The following GNB4 variants were observed in gnomAD, a reference collection of about 807,000 sequenced individuals.
The protein encoded by GNB4 is guanine nucleotide-binding protein subunit beta-4.
Under a neutral mutation model 45.2 loss-of-function variants are expected in GNB4, and 28 were observed. The observed-to-expected ratio is 0.62, with a 90% confidence interval of 0.46 to 0.85. GNB4 has a LOEUF of 0.85. GNB4 is among the 40% of genes least tolerant of loss of function. The pLI is 0.00. For synonymous variants in GNB4, 132 were observed against 143.7 expected, an observed-to-expected ratio of 0.92 and a Z score of 0.58; for missense variants, 321 against 425.4, an observed-to-expected ratio of 0.75 and a Z score of 2.16.
At chr3:179,423,741 A>G (rs749317960) in intron 2 of GNB4, among the ~76,000 whole-genome samples, 6 of 151,682 alleles carry the variant, frequency 4.0e-5, no homozygotes, top group Non-Finnish European at 8.8e-5. Flanking sequence ...AGATCGCACC[A>G]CTGCACTCCA....
the GNB4 span, among the ~76,000 whole-genome samples, chr3:179,503,065 C>T: frequency 6.6e-6 from 1 of 152,224 alleles, no homozygotes; most frequent in Non-Finnish European, 1.5e-5. Context: ...AACGCCTGTC[C>T]TCAAGTGATC....
chr3:179,493,501 A>G, the GNB4 span, among the ~76,000 whole-genome samples: 5 of 151,158 alleles, frequency 3.3e-5, no homozygotes, highest in Non-Finnish European at 5.9e-5. Context: ...ACTCAAGCAC[A>G]AGTCTTTTGA....
Position 179,401,252 on chromosome 3 carries a change from T to C in GNB4, c.984A>G (p.Ala328=), listed in dbSNP as rs1714290145. Residue 328 remains alanine (A), a synonymous_variant, in exon 10 of 10, where the codon GCA becomes GCG. Transcript: ENST00000232564. ...TAAGAAAACTGTCCCAAGAGCCTGTTGCCACAGCCATGCCATCATCAGTTA... is the reference window on the plus strand; with the variant it reads ...TAAGAAAACTGTCCCAAGAGCCTGTCGCCACAGCCATGCCATCATCAGTTA... ...LGVTDDGMAV[A]TGSWDSFLRI... 1 of 1,613,982 alleles carries C rather than the reference T, an allele frequency of 6.2e-7. No homozygotes were observed. Among genetic ancestry groups the C allele is most frequent in the Non-Finnish European group, 8.5e-7 (1 of 1,179,910 alleles).
At chr3:179,425,723 A>G (rs1429886920) in intron 2 of GNB4, among the ~76,000 whole-genome samples, 2 of 152,156 alleles carry the variant, frequency 1.3e-5, no homozygotes, top group African/African-American at 4.8e-5. Context: ...CACCTGCCTC[A>G]GCCTCCCAAA....
At chr3:179,463,246 C>T in the GNB4 span, among the ~76,000 whole-genome samples, 6 of 152,144 alleles carry the variant, frequency 3.9e-5, no homozygotes, top group South Asian at 2.1e-4. Flanking sequence ...TCCCCTACTA[C>T]GTCTTTTAGA....
At chr3:179,491,872 A>G in the GNB4 span, among the ~76,000 whole-genome samples, 2 of 152,242 alleles carry the variant, frequency 1.3e-5, no homozygotes, top group Admixed American at 6.5e-5. Context: ...CTAGGTATCA[A>G]TGTAATATCT....
At chr3:179,506,064 C>T in the GNB4 span, among the ~76,000 whole-genome samples, 236 of 152,306 alleles carry the variant, frequency 1.5e-3, no homozygotes, top group African/African-American at 5.1e-3. Flanking sequence ...CACAAGCTGC[C>T]GGGCGCGGTG....
chr3:179,506,108 C>G, the GNB4 span, among the ~76,000 whole-genome samples: 3 of 152,072 alleles, frequency 2.0e-5, no homozygotes, highest in Non-Finnish European at 4.4e-5. Context: ...TTTGGGAGGC[C>G]GAGGCAGGAG....
the GNB4 span, among the ~76,000 whole-genome samples, chr3:179,471,700 AT>A: frequency 6.6e-6 from 1 of 152,158 alleles, no homozygotes; most frequent in Non-Finnish European, 1.5e-5. Context: ...ATTAGAAGTT[AT>A]TTTCTAGTCA....
chr3:179,491,159 A>T, the GNB4 span, among the ~76,000 whole-genome samples: 1 of 152,260 alleles, frequency 6.6e-6, no homozygotes, highest in Non-Finnish European at 1.5e-5. Context: ...AATATAAGGA[A>T]GAACGAAAGG....
chr3:179,511,824 T>C, the GNB4 span, among the ~76,000 whole-genome samples: 1 of 152,284 alleles, frequency 6.6e-6, no homozygotes, highest in African/African-American at 2.4e-5. Flanking sequence ...CTGCCTAATG[T>C]TATTTTGGCA....
the GNB4 span, among the ~76,000 whole-genome samples, chr3:179,506,629 C>T: frequency 6.6e-6 from 1 of 152,114 alleles, no homozygotes; most frequent in Admixed American, 6.5e-5. Context: ...TTCACTAGCC[C>T]CTGAAACTCT....
chr3:179,458,711 T>C, the GNB4 span, among the ~76,000 whole-genome samples: 2 of 152,234 alleles, frequency 1.3e-5, no homozygotes, highest in Non-Finnish European at 2.9e-5. Context: ...GCTGTGTAAA[T>C]AGTTGCTAGG....
intron 1 of GNB4, among the ~76,000 whole-genome samples, chr3:179,427,867 TTTCTC>T (rs968160620): frequency 6.6e-6 from 1 of 152,136 alleles, no homozygotes; most frequent in African/African-American, 2.4e-5. Flanking sequence ...CCTGGTCTCT[TTTCTC>T]TTCTTATCTT....
chr3:179,448,601 C>T (rs1268990137), intron 1 of GNB4, among the ~76,000 whole-genome samples: 1 of 151,990 alleles, frequency 6.6e-6, no homozygotes, highest in Non-Finnish European at 1.5e-5. Flanking sequence ...ATAAAAAAGA[C>T]TAACAGTTTC....
chr3:179,503,799 A>C, the GNB4 span, among the ~76,000 whole-genome samples: 2 of 152,222 alleles, frequency 1.3e-5, no homozygotes, highest in African/African-American at 4.8e-5. Context: ...CATTCAAAGG[A>C]TTAAATTAAA....
At chr3:179,515,809 C>T in the GNB4 span, among the ~76,000 whole-genome samples, 1 of 152,002 alleles carries the variant, frequency 6.6e-6, no homozygotes, top group Admixed American at 6.6e-5. Context: ...CTCAGGGCTG[C>T]TTCGAGAGGG....
intron 4 of GNB4, among the ~76,000 whole-genome samples, chr3:179,418,173 G>A (rs1714857664): frequency 6.6e-6 from 1 of 151,972 alleles, no homozygotes; most frequent in African/African-American, 2.4e-5. Context: ...TTAAGAAAAA[G>A]AATAAGACAT....
At chr3:179,489,019 A>ATGT in the GNB4 span, among the ~76,000 whole-genome samples, 2 of 21,386 alleles carry the variant, frequency 9.4e-5, no homozygotes, top group African/African-American at 1.9e-4. Flanking sequence ...AAAAAAAAAA[A>ATGT]ATATATATAT....
Sources: allele counts gnomAD v4.1 joint callset (sites outside exome capture counted in the v4.1 genomes callset), GRCh38; gene constraint gnomAD v4.1.1; transcripts MANE v1.5; gene names NCBI Gene and HGNC (gene_info 2026-07-23, HGNC 2026-07-21).